GRM8: variants seen among roughly 807,000 people sequenced by gnomAD.
GRM8 encodes metabotropic glutamate receptor 8.
A neutral mutation model predicts 87.2 loss-of-function variants in GRM8; 47 were observed. That is an observed-to-expected ratio of 0.54 (90% confidence interval 0.43 to 0.69). The LOEUF is 0.69. GRM8 is among the 30% of genes least tolerant of loss of function. The pLI is 0.00. For missense variants in GRM8, 1,019 were observed against 1,139.2 expected (o/e 0.89, Z 1.52); for synonymous variants, 396 against 404.5 (o/e 0.98, Z 0.25).
intron 2 of GRM8, among the ~76,000 whole-genome samples, chr7:127,162,896 G>T (rs1244053320): frequency 2.0e-5 from 3 of 152,138 alleles, no homozygotes; most frequent in Non-Finnish European, 2.9e-5. Flanking sequence ...GCCTTTAGAA[G>T]GGAAAGGGCT....
intron 3 of GRM8, among the ~76,000 whole-genome samples, chr7:126,971,477 T>C (rs1052968018): frequency 6.6e-6 from 1 of 152,160 alleles, no homozygotes; most frequent in African/African-American, 2.4e-5. Flanking sequence ...TCTCACTGAA[T>C]ATAAAGTAGA....
chr7:126,757,380 G>A (rs2151562912), intron 7 of GRM8, among the ~76,000 whole-genome samples: 1 of 152,122 alleles, frequency 6.6e-6, no homozygotes, highest in African/African-American at 2.4e-5. Flanking sequence ...TGTGTGGGGT[G>A]CTTTCAATTT....
intron 6 of GRM8, among the ~76,000 whole-genome samples, chr7:126,880,418 TC>T (rs1481126779): frequency 1.3e-5 from 2 of 152,188 alleles, no homozygotes; most frequent in Non-Finnish European, 2.9e-5. Context: ...AAATTAAGGA[TC>T]TGAAATATTG....
chr7:126,937,915 G>C (rs1017046186), intron 3 of GRM8, among the ~76,000 whole-genome samples: 2 of 152,084 alleles, frequency 1.3e-5, no homozygotes, highest in Admixed American at 6.5e-5. Context: ...TCCTCTACGT[G>C]GGATGAAGGG....
intron 2 of GRM8, among the ~76,000 whole-genome samples, chr7:127,118,970 C>T (rs1334118956): frequency 6.6e-6 from 1 of 152,178 alleles, no homozygotes; most frequent in Non-Finnish European, 1.5e-5. Context: ...ATATTATCTG[C>T]CTCCATTGGT....
intron 3 of GRM8, among the ~76,000 whole-genome samples, chr7:127,024,666 G>C (rs932429324): frequency 4.6e-5 from 7 of 152,010 alleles, no homozygotes; most frequent in African/African-American, 1.7e-4. Context: ...CCCAGAAATT[G>C]ATCCCTGACC....
intron 8 of GRM8, among the ~76,000 whole-genome samples, chr7:126,595,214 G>A (rs1419964773): frequency 1.3e-5 from 2 of 151,080 alleles, no homozygotes; most frequent in African/African-American, 4.9e-5. Flanking sequence ...GTGGATTTTT[G>A]TTTTTTTGGT....
intron 8 of GRM8, among the ~76,000 whole-genome samples, chr7:126,603,560 A>G (rs972975401): frequency 1.3e-5 from 2 of 152,038 alleles, no homozygotes; most frequent in South Asian, 4.1e-4. Context: ...AAATCAATGT[A>G]CAAAAATCAC....
rs184326908 is a variant in GRM8 at position 127,092,601 on chromosome 7, G to A, written c.727+13895C>T. ...GCATGACTGTAATCTTAGCTACTTG[G>A]GAGGCTAAGGCATGAGAATCACTTG... On this transcript the variant is annotated intron_variant, in intron 3 of 10. Transcript: ENST00000339582. Among the ~76,000 whole-genome samples, 177 of 152,268 alleles carry A rather than the reference G, an allele frequency of 1.2e-3. 1 individual carries two copies. Among genetic ancestry groups the A allele is most frequent in the African/African-American group, 4.1e-3 (172 of 41,554 alleles).
chr7:126,950,533 T>C (rs550104509), intron 3 of GRM8, among the ~76,000 whole-genome samples: 1 of 152,288 alleles, frequency 6.6e-6, no homozygotes, highest in East Asian at 1.9e-4. Context: ...TAAAGACAGC[T>C]ATTTTTTTAA....
At chr7:126,515,313 T>C (rs1289675948) in intron 9 of GRM8, among the ~76,000 whole-genome samples, 3 of 152,112 alleles carry the variant, frequency 2.0e-5, no homozygotes, top group Admixed American at 6.6e-5. Flanking sequence ...CTTTGAAAAA[T>C]GTTTAAGATT....
intron 6 of GRM8, among the ~76,000 whole-genome samples, chr7:126,787,768 C>G (rs1231096139): frequency 1.3e-5 from 2 of 151,794 alleles, no homozygotes; most frequent in Admixed American, 6.6e-5. Flanking sequence ...TTTTTTATTT[C>G]TATTTCTGGA....
intron 2 of GRM8, among the ~76,000 whole-genome samples, chr7:127,188,621 AT>A (rs956129386): frequency 4.6e-5 from 7 of 152,124 alleles, no homozygotes; most frequent in South Asian, 4.2e-4. Context: ...ATTTGACATA[AT>A]TTTTTTTAAC....
chr7:126,550,860 C>A (rs1278210671), intron 8 of GRM8, among the ~76,000 whole-genome samples: 1 of 150,992 alleles, frequency 6.6e-6, no homozygotes, highest in Non-Finnish European at 1.5e-5. Flanking sequence ...AAAAGAAAAT[C>A]CAAGAACAGT....
intron 7 of GRM8, among the ~76,000 whole-genome samples, chr7:126,677,968 G>C (rs1807165780): frequency 6.6e-6 from 1 of 152,142 alleles, no homozygotes. Context: ...AATCCCGACT[G>C]ATAACTAGGG....
chr7:126,711,643 C>G (rs1159988790), intron 7 of GRM8, among the ~76,000 whole-genome samples: 1 of 152,220 alleles, frequency 6.6e-6, no homozygotes, highest in Non-Finnish European at 1.5e-5. Flanking sequence ...AGATGACATC[C>G]TCTTCCAAGA....
intron 2 of GRM8, among the ~76,000 whole-genome samples, chr7:127,159,289 G>A (rs1404234462): frequency 6.6e-6 from 1 of 152,098 alleles, no homozygotes; most frequent in Non-Finnish European, 1.5e-5. Flanking sequence ...TAAGATGCAA[G>A]GTAAAGTACT....
intron 3 of GRM8, among the ~76,000 whole-genome samples, chr7:127,023,792 A>C (rs552257965): frequency 1.4e-4 from 21 of 152,096 alleles, no homozygotes; most frequent in Non-Finnish European, 2.6e-4. Context: ...GCACAGCTCC[A>C]TGGAATCTTG....
rs187087795 is a variant in GRM8 at position 127,145,463 on chromosome 7, G to C, written c.511-38751C>G. The stretch of plus-strand genomic sequence containing the variant: ...TGTCTTTCTACAATTAAAGATTCAT[G>C]CTTCGCTGTTAAATCCAAATTAACA... On this transcript the variant is annotated intron_variant, in intron 2 of 10. Transcript: ENST00000339582. Among the ~76,000 whole-genome samples the C allele has an allele frequency of 1.5e-3, 222 of 152,222 alleles. 1 individual carries two copies. The highest frequency in any genetic ancestry group is 4.9e-3 in the African/African-American group (202 of 41,552).
Sources: gnomAD v4.1 joint callset for allele counts (sites outside exome capture counted in the v4.1 genomes callset) on GRCh38, gnomAD v4.1.1 for gene constraint, MANE v1.5 for transcripts, NCBI Gene and HGNC (gene_info 2026-07-23, HGNC 2026-07-21) for gene names.